CACNA1A: variants seen among roughly 807,000 people sequenced by gnomAD.
CACNA1A encodes calcium voltage-gated channel subunit alpha1 A, also known as voltage-dependent P/Q-type calcium channel subunit alpha-1A.
Under a neutral mutation model 262.4 loss-of-function variants are expected in CACNA1A, and 57 were observed. The ratio of observed to expected loss-of-function variants is 0.22; its 90% CI spans 0.18 to 0.27. The LOEUF (loss-of-function observed/expected upper bound fraction) is 0.27. Ranked by LOEUF, CACNA1A falls within the 10% of genes least tolerant of loss-of-function variation. CACNA1A has a pLI of 1.00. For missense variants in CACNA1A, 2,526 were observed against 3,562.8 expected, an observed-to-expected ratio of 0.71 and a Z score of 7.41; for synonymous variants, 1,431 against 1,419.3, an observed-to-expected ratio of 1.01 and a Z score of -0.18.
chr19:13,503,839 C>T (rs1057160228), intron 1 of CACNA1A, among the ~76,000 whole-genome samples: 1 of 152,052 alleles, frequency 6.6e-6, no homozygotes, highest in East Asian at 1.9e-4. Context: ...AAGAAAGCCC[C>T]GGGCGAGCTG....
Position 13,406,509 on chromosome 19 carries a change from A to ATATATATATG in CACNA1A, c.540-34731_540-34730insCATATATATA, listed in dbSNP as rs1487889235. 5.7e-4 allele frequency among the ~76,000 whole-genome samples: 63 copies of ATATATATATG among 109,640 alleles called. 2 individuals carry two copies. The highest frequency in any genetic ancestry group is 3.0e-3 in the South Asian group (9 of 3,044). The allele number at this position is 109,640 out of a possible 152,430, so 71.9% of individuals were successfully genotyped here. On this transcript the variant is annotated intron_variant, in intron 3 of 46. Transcript: ENST00000360228. ...TATATATATATATATATATATATAT[A>ATATATATATG]TATGAAGGGAATCTGATCCCTAACA... is the stretch of plus-strand genomic sequence containing the variant.
chr19:13,420,728 A>G (rs563983358), intron 3 of CACNA1A, among the ~76,000 whole-genome samples: 2 of 152,322 alleles, frequency 1.3e-5, no homozygotes, highest in African/African-American at 4.8e-5. Context: ...TTACTCTGTT[A>G]TAACAGCCCT....
chr19:13,350,177 C>T (rs765467373), intron 6 of CACNA1A, among the ~76,000 whole-genome samples: 8 of 152,180 alleles, frequency 5.3e-5, no homozygotes, highest in Non-Finnish European at 1.0e-4. Context: ...GCCAGTACCC[C>T]AATCCTCCTT....
At chr19:13,376,157 T>A (rs1388208374) in intron 3 of CACNA1A, among the ~76,000 whole-genome samples, 4 of 152,222 alleles carry the variant, frequency 2.6e-5, no homozygotes, top group African/African-American at 9.6e-5. Context: ...ATGGAGAAGC[T>A]GCAGTAAGTT....
chr19:13,349,495 T>C (rs1218024942), intron 6 of CACNA1A, among the ~76,000 whole-genome samples: 1 of 152,114 alleles, frequency 6.6e-6, no homozygotes, highest in African/African-American at 2.4e-5. Flanking sequence ...ATGGGGCACA[T>C]AGGGTGAGGG....
In CACNA1A at chr19:13,207,813, A is replaced by G. The variant is rs1421652647; in HGVS notation, c.7021T>C (p.Tyr2341His). ...AGAGGCTCGGCCGTGGGGCCTGGGT[A>G]CCTCCGAGGGCCGCTGGTGGCCGCC... ...GRAATSGPRR[Y>H]PGPTAEPLAG... is the part of the protein sequence containing the mutation. The change falls in exon 47 of 47, where the codon TAC becomes CAC. Residue 2341 changes from tyrosine to histidine, a missense_variant. Tyr to His is a moderately conservative substitution (Grantham distance 83, BLOSUM62 2). This residue lies in a region of CACNA1A where 929 missense variants were observed against 868.1 expected (regional missense o/e 1.07). Transcript: ENST00000360228. This position sits in a 1 kb window ranked among gnomAD's most constrained non-coding sequence, Gnocchi z 5.7. The G allele has an allele frequency of 2.1e-6, 3 of 1,450,038 alleles. No individual in the cohort carries two copies. In the Admixed American group the frequency reaches 7.9e-5, roughly 38 times the overall value. 89.8% of individuals were successfully genotyped at this position (1,450,038 alleles called of 1,614,324 possible).
intron 31 of CACNA1A, among the ~76,000 whole-genome samples, chr19:13,240,746 C>A (rs62111968): frequency 6.7e-6 from 1 of 148,774 alleles, no homozygotes; most frequent in African/African-American, 2.5e-5. Flanking sequence ...CTGCGTGCAG[C>A]GTCTGTGTGC....
intron 19 of CACNA1A, among the ~76,000 whole-genome samples, 196 bp downstream of exon 19, chr19:13,298,348 C>T (rs947087341): frequency 6.6e-6 from 1 of 150,864 alleles, no homozygotes; most frequent in Non-Finnish European, 1.5e-5. Context: ...CCAGGCTGGT[C>T]TTGAACTCCT....
At chr19:13,421,272 C>T (rs187643105) in intron 3 of CACNA1A, among the ~76,000 whole-genome samples, 48 of 152,012 alleles carry the variant, frequency 3.2e-4, no homozygotes, top group East Asian at 2.1e-3. Context: ...GGTTTTAATC[C>T]GGTGGCCTTT....
chr19:13,347,050 G>GTTT (rs911693291), intron 6 of CACNA1A, among the ~76,000 whole-genome samples: 2 of 96,884 alleles, frequency 2.1e-5, no homozygotes, highest in African/African-American at 7.8e-5. Flanking sequence ...CTTCAGGTCT[G>GTTT]TTTTTTTTGT....
intron 6 of CACNA1A, among the ~76,000 whole-genome samples, chr19:13,341,880 G>GCTGTATTC (rs943590681): frequency 6.6e-6 from 1 of 152,154 alleles, no homozygotes; most frequent in African/African-American, 2.4e-5. Flanking sequence ...TTTGTTCCCT[G>GCTGTATTC]CTGTATTCCT....
chr19:13,379,688 G>A (rs993545589), intron 3 of CACNA1A, among the ~76,000 whole-genome samples: 1 of 152,146 alleles, frequency 6.6e-6, no homozygotes, highest in African/African-American at 2.4e-5. Flanking sequence ...CACTTTGGGA[G>A]GCCAAGGCTG....
At chr19:13,371,483 G>C in intron 4 of CACNA1A, 1 of 572,838 alleles carries the variant, frequency 1.7e-6, no homozygotes, top group Non-Finnish European at 3.1e-6. Context: ...CAATAAATGG[G>C]TGTGGCTCCT....
intron 1 of CACNA1A, among the ~76,000 whole-genome samples, chr19:13,502,441 G>A (rs923425630): frequency 5.9e-5 from 9 of 152,176 alleles, no homozygotes; most frequent in African/African-American, 2.2e-4. Context: ...TTGGCACTTG[G>A]TAGAAGGAGT....
At chr19:13,279,645 C>T (rs1043419716) in intron 22 of CACNA1A, among the ~76,000 whole-genome samples, 8 of 152,100 alleles carry the variant, frequency 5.3e-5, no homozygotes, top group Admixed American at 1.3e-4. Flanking sequence ...CTACCACGCC[C>T]GGCTAATTTT....
At chr19:13,238,183 C>G (rs536387249) in intron 31 of CACNA1A, among the ~76,000 whole-genome samples, 1 of 152,254 alleles carries the variant, frequency 6.6e-6, no homozygotes, top group South Asian at 2.1e-4. Context: ...TTCCACTGCC[C>G]CCAGAACTTC....
chr19:13,382,244 T>G (rs749894983), intron 3 of CACNA1A, among the ~76,000 whole-genome samples: 1 of 152,084 alleles, frequency 6.6e-6, no homozygotes, highest in Non-Finnish European at 1.5e-5. Context: ...AGAGCTCATG[T>G]CCGGGGAGGC....
chr19:13,352,931 C>A (rs550352248), intron 6 of CACNA1A, among the ~76,000 whole-genome samples: 7 of 152,122 alleles, frequency 4.6e-5, no homozygotes, highest in Non-Finnish European at 1.0e-4. Flanking sequence ...CGCCACCATG[C>A]CTGGCTAATT....
intron 3 of CACNA1A, among the ~76,000 whole-genome samples, chr19:13,396,656 A>C (rs1021559671): frequency 1.3e-5 from 2 of 152,136 alleles, no homozygotes; most frequent in Non-Finnish European, 2.9e-5. Flanking sequence ...TGTACCATGC[A>C]GCTCTGCAGT....
Sources: allele counts gnomAD v4.1 joint callset (sites outside exome capture counted in the v4.1 genomes callset), GRCh38; gene constraint gnomAD v4.1.1; regional missense constraint gnomAD v4.1.1; non-coding constraint Gnocchi (gnomAD v3.1); transcripts MANE v1.5; gene names NCBI Gene and HGNC (gene_info 2026-07-23, HGNC 2026-07-21).